The following NRG1 variants were observed in gnomAD, a reference collection of about 807,000 sequenced individuals.
NRG1 encodes the protein pro-neuregulin-1, membrane-bound isoform.
A neutral mutation model predicts 63.8 loss-of-function variants in NRG1; 18 were observed. The observed-to-expected ratio is 0.28, with a 90% CI of 0.19 to 0.42. The LOEUF (loss-of-function observed/expected upper bound fraction) is 0.42, where lower values mean the gene tolerates loss of function less well. Ranked by LOEUF, NRG1 falls within the 10% of genes least tolerant of loss-of-function variation. The probability of loss-of-function intolerance (pLI) is 1.00; values close to 1 mark genes in which losing one functional copy is unlikely to be tolerated. For synonymous variants in NRG1, 302 were observed against 301.3 expected (o/e 1.00, Z -0.02); for missense variants, 762 against 814.7 (o/e 0.94, Z 0.79).
chr8:32,109,515 A>G (rs139045346), intron 1 of NRG1, among the ~76,000 whole-genome samples: 62 of 152,294 alleles, frequency 4.1e-4, no homozygotes, highest in African/African-American at 1.4e-3. Context: ...GTTTTTTCCT[A>G]GTTCTGTGTT....
chr8:31,755,124 T>C (rs1461753768), intron 1 of NRG1, among the ~76,000 whole-genome samples: 1 of 152,138 alleles, frequency 6.6e-6, no homozygotes, highest in East Asian at 1.9e-4. Flanking sequence ...TGCACTGCTC[T>C]GGGCATTCTG....
At chr8:32,480,490 C>CAAAAACA (rs1825118603) in intron 1 of NRG1, among the ~76,000 whole-genome samples, 2 of 149,084 alleles carry the variant, frequency 1.3e-5, no homozygotes. Flanking sequence ...AAAACAAAAA[C>CAAAAACA]AAAAAAAACA....
At chr8:32,457,142 A>C (rs767177854) in intron 1 of NRG1, among the ~76,000 whole-genome samples, 1 of 152,140 alleles carries the variant, frequency 6.6e-6, no homozygotes, top group Non-Finnish European at 1.5e-5. Context: ...AAAAATAAAT[A>C]AATAAATAAA....
At chr8:32,097,103 C>CT (rs1425950895) in intron 1 of NRG1, among the ~76,000 whole-genome samples, 1 of 152,262 alleles carries the variant, frequency 6.6e-6, no homozygotes, top group East Asian at 1.9e-4. Flanking sequence ...AATATTTGTG[C>CT]TTTTGTGTCA....
At chr8:31,935,205 C>T (rs559031123) in intron 1 of NRG1, among the ~76,000 whole-genome samples, 1 of 152,092 alleles carries the variant, frequency 6.6e-6, no homozygotes, top group African/African-American at 2.4e-5. Context: ...CAACCTCAAC[C>T]TCCTGGGCTC....
intron 1 of NRG1, among the ~76,000 whole-genome samples, chr8:32,490,286 C>A (rs1176525846): frequency 6.7e-6 from 1 of 150,024 alleles, no homozygotes. Context: ...GTCTGAGTGA[C>A]AGAACGAGAC....
intron 1 of NRG1, among the ~76,000 whole-genome samples, chr8:32,466,610 G>T (rs911504547): frequency 5.3e-5 from 8 of 152,116 alleles, no homozygotes; most frequent in Non-Finnish European, 1.2e-4. Context: ...GGATCATTGG[G>T]TGATTATGTC....
chr8:32,619,728 G>T (rs2466061), intron 5 of NRG1, among the ~76,000 whole-genome samples: 17,811 of 152,120 alleles, frequency 0.12, 1,085 homozygotes, highest in African/African-American at 0.16. Context: ...TGTTCCATTT[G>T]ATTTTCTTCT....
chr8:31,926,016 A>G (rs894172482), intron 1 of NRG1, among the ~76,000 whole-genome samples: 12 of 152,122 alleles, frequency 7.9e-5, no homozygotes, highest in Admixed American at 7.9e-4. Context: ...GGTGTCAGAA[A>G]TTGTGTATGA....
At chr8:31,718,749 G>A (rs1316487995) in intron 1 of NRG1, among the ~76,000 whole-genome samples, 2 of 152,070 alleles carry the variant, frequency 1.3e-5, no homozygotes, top group East Asian at 1.9e-4. Flanking sequence ...AAGAAAAAGA[G>A]CCAATGAGAA....
At chr8:31,993,901 A>G (rs1379170031) in intron 1 of NRG1, among the ~76,000 whole-genome samples, 1 of 152,028 alleles carries the variant, frequency 6.6e-6, no homozygotes, top group African/African-American at 2.4e-5. Context: ...CTACTGAGTA[A>G]TTGGCTCCAT....
At chr8:32,604,992 C>A (rs772077982) in intron 2 of NRG1, among the ~76,000 whole-genome samples, 1 of 152,066 alleles carries the variant, frequency 6.6e-6, no homozygotes, top group Non-Finnish European at 1.5e-5. Flanking sequence ...ATGCTCCCAG[C>A]AATGAGAATC....
intron 1 of NRG1, among the ~76,000 whole-genome samples, chr8:32,592,452 CTTTT>C (rs1237156055): frequency 6.6e-6 from 1 of 152,064 alleles, no homozygotes; most frequent in Non-Finnish European, 1.5e-5. Flanking sequence ...TTACAGTCTT[CTTTT>C]GTTATTGATG....
intron 5 of NRG1, among the ~76,000 whole-genome samples, chr8:32,668,605 T>C (rs945669075): frequency 1.3e-5 from 2 of 152,196 alleles, no homozygotes; most frequent in Admixed American, 1.3e-4. Flanking sequence ...ATAGTAAATT[T>C]CCTGGTCATA....
intron 1 of NRG1, among the ~76,000 whole-genome samples, chr8:32,341,171 A>G (rs1022898486): frequency 6.6e-6 from 1 of 152,202 alleles, no homozygotes; most frequent in Non-Finnish European, 1.5e-5. Context: ...TCTTGTATAC[A>G]TTTATTTTGT....
intron 5 of NRG1, among the ~76,000 whole-genome samples, chr8:32,663,670 A>G (rs1340929980): frequency 7.2e-5 from 11 of 152,200 alleles, no homozygotes. Flanking sequence ...AAAAAGCAGC[A>G]AAAAGGAGGT....
At chr8:32,391,443 C>A (rs77318802) in intron 1 of NRG1, among the ~76,000 whole-genome samples, 60 of 152,164 alleles carry the variant, frequency 3.9e-4, no homozygotes, top group South Asian at 3.5e-3. Context: ...ATCTGTTGTG[C>A]AGATTGTTTT....
chr8:32,267,416 G>A (rs1851093312), intron 1 of NRG1, among the ~76,000 whole-genome samples: 2 of 152,184 alleles, frequency 1.3e-5, no homozygotes, highest in East Asian at 1.9e-4. Flanking sequence ...TGGCTTAGAT[G>A]TAGTTGTGCC....
chr8:31,861,810 C>A (rs1368954477), intron 1 of NRG1, among the ~76,000 whole-genome samples: 1 of 152,124 alleles, frequency 6.6e-6, no homozygotes, highest in Non-Finnish European at 1.5e-5. Flanking sequence ...CCAGTAATGT[C>A]ATCTTCTTCT....
Sources: allele counts gnomAD v4.1 joint callset (sites outside exome capture counted in the v4.1 genomes callset), GRCh38; gene constraint gnomAD v4.1.1; transcripts MANE v1.5; gene names NCBI Gene and HGNC (gene_info 2026-07-23, HGNC 2026-07-21).